The following RTN1 variants were observed in gnomAD, a reference collection of about 807,000 sequenced individuals.
RTN1 encodes the protein reticulon-1.
RTN1 carries 25 observed loss-of-function variants against 65.5 expected under a neutral mutation model. The observed-to-expected ratio is 0.38, with a 90% confidence interval of 0.28 to 0.53. RTN1 has a LOEUF of 0.53. Ranked by LOEUF, RTN1 falls within the 20% of genes least tolerant of loss-of-function variation. The pLI, the probability that RTN1 is intolerant of heterozygous loss-of-function variation, is 0.79. For synonymous variants in RTN1, 471 were observed against 447.6 expected (o/e 1.05, Z -0.66); for missense variants, 983 against 1,025.4 (o/e 0.96, Z 0.57).
chr14:59,773,765 T>A lies in RTN1; in HGVS notation c.242-27284A>T, dbSNP rs184066034. Reference sequence around the variant, plus strand: ...AAGAGCTGATTTATTTTGGCTTTTTTAAAGCTTACTGTCTTTCTTCTACCC... The same window carrying A: ...AAGAGCTGATTTATTTTGGCTTTTTAAAAGCTTACTGTCTTTCTTCTACCC... On this transcript the variant is annotated intron_variant, in intron 1 of 8. Coordinates refer to ENST00000267484, the MANE Select transcript of RTN1 (RefSeq NM_021136.3). Among the ~76,000 whole-genome samples the A allele has an allele frequency of 3.7e-3, 568 of 152,298 alleles. 8 individuals are homozygous for A. The highest frequency in any genetic ancestry group is 0.032 in the Admixed American group (485 of 15,278).
rs529114320 is a variant in RTN1, at chr14:59,828,822, C to T, written c.241+41568G>A. On this transcript the variant is annotated intron_variant, in intron 1 of 8. Coordinates refer to ENST00000267484, the MANE Select transcript of RTN1 (RefSeq NM_021136.3). ...CATGATTTCAGAATGAAAATCTTAA[C>T]TCAAAAGATACATATACTCATAGAT... is the stretch of plus-strand genomic sequence containing the variant. 1.5e-3 allele frequency among the ~76,000 whole-genome samples: 230 copies of T among 152,264 alleles called. 2 individuals carry two copies. Among genetic ancestry groups the T allele is most frequent in the African/African-American group, 5.0e-3 (209 of 41,556 alleles).
intron 3 of RTN1, among the ~76,000 whole-genome samples, chr14:59,631,203 G>A (rs1449871510): frequency 6.6e-6 from 1 of 152,174 alleles, no homozygotes; most frequent in Non-Finnish European, 1.5e-5. Flanking sequence ...ACAATCACTG[G>A]AGAGAAAGCC....
intron 3 of RTN1, among the ~76,000 whole-genome samples, chr14:59,644,473 A>G (rs1302839502): frequency 6.6e-6 from 1 of 152,170 alleles, no homozygotes; most frequent in Non-Finnish European, 1.5e-5. Flanking sequence ...AGCTATGTGG[A>G]GTCTTGGCAG....
At chr14:59,645,449 ATGTT>A (rs1882873688) in intron 3 of RTN1, among the ~76,000 whole-genome samples, 1 of 151,360 alleles carries the variant, frequency 6.6e-6, no homozygotes, top group South Asian at 2.1e-4. Flanking sequence ...TGTTTTCTAT[ATGTT>A]TGTTACATGA....
intron 1 of RTN1, among the ~76,000 whole-genome samples, chr14:59,798,135 A>G (rs1379331887): frequency 6.6e-6 from 1 of 152,166 alleles, no homozygotes; most frequent in Non-Finnish European, 1.5e-5. Context: ...CAAGCAATTG[A>G]TGTGTCTGAA....
chr14:59,743,222 A>G (rs188136258), intron 2 of RTN1, among the ~76,000 whole-genome samples: 224 of 152,236 alleles, frequency 1.5e-3, no homozygotes, highest in Non-Finnish European at 2.1e-3. Flanking sequence ...CTTCTCCAGA[A>G]CCCAATTGGG....
At chr14:59,692,779 T>A (rs1883988049) in intron 3 of RTN1, among the ~76,000 whole-genome samples, 1 of 152,180 alleles carries the variant, frequency 6.6e-6, no homozygotes, top group Non-Finnish European at 1.5e-5. Context: ...CCATCTGATA[T>A]TCAACAAGGT....
intron 1 of RTN1, among the ~76,000 whole-genome samples, chr14:59,799,802 C>T (rs1886506463): frequency 6.6e-6 from 1 of 152,152 alleles, no homozygotes; most frequent in Non-Finnish European, 1.5e-5. Context: ...CTGTAAGTCA[C>T]TGGGCTGGGG....
intron 1 of RTN1, among the ~76,000 whole-genome samples, chr14:59,783,525 T>C (rs1019506274): frequency 6.6e-6 from 1 of 152,164 alleles, no homozygotes; most frequent in Non-Finnish European, 1.5e-5. Flanking sequence ...GGGATTTGAT[T>C]CCTCCACCAC....
At chr14:59,838,254 C>G (rs987281008) in intron 1 of RTN1, among the ~76,000 whole-genome samples, 1 of 152,122 alleles carries the variant, frequency 6.6e-6, no homozygotes, top group Non-Finnish European at 1.5e-5. Context: ...CGCCTTCAGC[C>G]GCATCTATGC....
intron 1 of RTN1, among the ~76,000 whole-genome samples, chr14:59,777,668 C>G (rs1434776827): frequency 6.6e-6 from 1 of 152,060 alleles, no homozygotes; most frequent in East Asian, 1.9e-4. Flanking sequence ...AAAGGGATGT[C>G]CCTCCTTTCT....
chr14:59,650,180 CATAAGT>C, intron 3 of RTN1, among the ~76,000 whole-genome samples: 1 of 152,278 alleles, frequency 6.6e-6, no homozygotes, highest in African/African-American at 2.4e-5. Flanking sequence ...TGTTCTCACT[CATAAGT>C]AGGAGTTGAA....
At chr14:59,695,774 T>C (rs1333820001) in intron 3 of RTN1, among the ~76,000 whole-genome samples, 1 of 152,132 alleles carries the variant, frequency 6.6e-6, no homozygotes, top group East Asian at 1.9e-4. Flanking sequence ...CTGACTTTAT[T>C]AATCCCTAAA....
chr14:59,809,875 A>T (rs1419061823), intron 1 of RTN1, among the ~76,000 whole-genome samples: 1 of 152,190 alleles, frequency 6.6e-6, no homozygotes, highest in African/African-American at 2.4e-5. Flanking sequence ...ATTTAAAAAA[A>T]TTGGTCTCTG....
At chr14:59,705,635 T>A (rs188554632) in intron 3 of RTN1, among the ~76,000 whole-genome samples, 2 of 152,168 alleles carry the variant, frequency 1.3e-5, no homozygotes, top group African/African-American at 4.8e-5. Context: ...AAAACAGGCA[T>A]AGAAAAATTA....
chr14:59,782,807 A>G (rs1886181287), intron 1 of RTN1, among the ~76,000 whole-genome samples: 1 of 152,196 alleles, frequency 6.6e-6, no homozygotes, highest in African/African-American at 2.4e-5. Flanking sequence ...GTTACTGAAT[A>G]GCAGCAGTTA....
At chr14:59,740,473 A>G (rs1278667687) in intron 2 of RTN1, among the ~76,000 whole-genome samples, 6 of 152,220 alleles carry the variant, frequency 3.9e-5, no homozygotes, top group Admixed American at 3.9e-4. Flanking sequence ...GGTATGCCCT[A>G]AGAAATATTT....
intron 1 of RTN1, among the ~76,000 whole-genome samples, chr14:59,785,626 A>T (rs1886237210): frequency 6.6e-6 from 1 of 152,240 alleles, no homozygotes; most frequent in African/African-American, 2.4e-5. Context: ...TTTAGTATCC[A>T]CCACACCCTC....
At chr14:59,728,640 T>C (rs1246002949) in intron 2 of RTN1, among the ~76,000 whole-genome samples, 1 of 152,196 alleles carries the variant, frequency 6.6e-6, no homozygotes, top group African/African-American at 2.4e-5. Context: ...CTTAGTGGGA[T>C]CTGGTCCTTT....
Sources: allele counts gnomAD v4.1 joint callset (sites outside exome capture counted in the v4.1 genomes callset), GRCh38; gene constraint gnomAD v4.1.1; transcripts MANE v1.5; gene names NCBI Gene and HGNC (gene_info 2026-07-23, HGNC 2026-07-21).